The following GPHN variants were observed in gnomAD, a reference collection of about 807,000 sequenced individuals.
GPHN encodes the protein gephyrin.
In GPHN, 17 loss-of-function variants were observed where a neutral mutation model predicts 95.5. That is an observed-to-expected ratio of 0.18 (90% CI 0.12 to 0.27). GPHN has a LOEUF of 0.27. GPHN is among the 10% of genes least tolerant of loss of function. The pLI is 1.00. For synonymous variants in GPHN, 320 were observed against 322.5 expected, an observed-to-expected ratio of 0.99 and a Z score of 0.08; for missense variants, 660 against 978.1, an observed-to-expected ratio of 0.67 and a Z score of 4.34.
At chr14:67,735,136 G>C in the GPHN span, 1 of 831,854 alleles carries the variant, frequency 1.2e-6, no homozygotes, top group Non-Finnish European at 2.1e-6. Context: ...CATGGGTGTT[G>C]ATTCGACATG....
intron 1 of GPHN, among the ~76,000 whole-genome samples, chr14:66,654,172 C>T (rs936154817): frequency 4.6e-5 from 7 of 151,914 alleles, no homozygotes; most frequent in African/African-American, 1.7e-4. Flanking sequence ...TTTTTTGAGA[C>T]AGTCTTGCTC....
the GPHN span, chr14:67,726,938 C>T: frequency 6.4e-7 from 1 of 1,571,252 alleles, no homozygotes; most frequent in East Asian, 2.2e-5. Flanking sequence ...TGAGCCTGGG[C>T]TGTCATTCCA....
At chr14:66,668,711 A>C (rs2066113746) in intron 1 of GPHN, among the ~76,000 whole-genome samples, 1 of 152,114 alleles carries the variant, frequency 6.6e-6, no homozygotes, top group Non-Finnish European at 1.5e-5. Context: ...TAATGAAATA[A>C]TTGTTACAAC....
intron 2 of GPHN, among the ~76,000 whole-genome samples, chr14:66,736,464 T>C (rs2072288159): frequency 6.6e-6 from 1 of 150,672 alleles, no homozygotes; most frequent in Non-Finnish European, 1.5e-5. Flanking sequence ...AGTGGTGCAA[T>C]CTCGGCTCAC....
chr14:67,356,007 GTGTT>G, the GPHN span, among the ~76,000 whole-genome samples: 13 of 151,918 alleles, frequency 8.6e-5, no homozygotes, highest in African/African-American at 2.9e-4. Flanking sequence ...AAAAAAACAA[GTGTT>G]TGGGTAATAA....
intron 1 of GPHN, among the ~76,000 whole-genome samples, chr14:66,526,811 C>T (rs529283335): frequency 1.2e-4 from 19 of 152,250 alleles, no homozygotes; most frequent in Middle Eastern, 3.4e-3. Context: ...AGCATTGCAT[C>T]CCAGGGATGA....
chr14:67,023,490 A>G lies in GPHN; in HGVS notation c.964-143A>G, dbSNP rs112539097. The G allele has an allele frequency of 5.3e-4, 330 of 621,474 alleles. 2 individuals carry two copies. The highest frequency in any genetic ancestry group is 7.9e-4 in the Non-Finnish European group (273 of 345,292). The allele number at this position is 621,474 out of a possible 1,614,324, so 38.5% of individuals were successfully genotyped here. On this transcript the variant is annotated intron_variant, in intron 9 of 22. Coordinates refer to ENST00000478722, the MANE Select transcript of GPHN (RefSeq NM_020806.5). ...AGAAAAAAGATGAAACAAGTATAAC[A>G]TTTTTACTAACATGTTATGACATCT...
intron 9 of GPHN, among the ~76,000 whole-genome samples, chr14:67,019,071 A>G (rs2073462049): frequency 6.6e-6 from 1 of 152,246 alleles, no homozygotes; most frequent in Admixed American, 6.5e-5. Context: ...CACCAATAAT[A>G]TGAAAGCAAA....
At chr14:67,111,023 A>G (rs2078337156) in intron 14 of GPHN, among the ~76,000 whole-genome samples, 1 of 152,246 alleles carries the variant, frequency 6.6e-6, no homozygotes, top group Non-Finnish European at 1.5e-5. Context: ...TACTTGTTTT[A>G]TGAAGAAAGT....
chr14:67,157,050 A>C (rs1349585704), intron 18 of GPHN, among the ~76,000 whole-genome samples: 1 of 152,066 alleles, frequency 6.6e-6, no homozygotes, highest in Non-Finnish European at 1.5e-5. Context: ...CTGGATTTTT[A>C]AAAAAACAGC....
chr14:67,335,582 T>C, the GPHN span: 1 of 152,662 alleles, frequency 6.6e-6, no homozygotes, highest in Non-Finnish European at 1.5e-5. Context: ...CTGGATTATC[T>C]TCCTTTTCTC....
At chr14:66,736,651 C>G (rs750767815) in intron 2 of GPHN, among the ~76,000 whole-genome samples, 3 of 151,966 alleles carry the variant, frequency 2.0e-5, no homozygotes, top group African/African-American at 4.8e-5. Flanking sequence ...GTTATCCACC[C>G]GCCTCGGCCT....
chr14:66,983,026 C>T (rs1195457279), intron 9 of GPHN, among the ~76,000 whole-genome samples: 3 of 152,032 alleles, frequency 2.0e-5, no homozygotes, highest in Non-Finnish European at 2.9e-5. Context: ...CCGAGGCAGG[C>T]GGATCACATA....
At chr14:67,437,830 G>A in the GPHN span, among the ~76,000 whole-genome samples, 13 of 152,172 alleles carry the variant, frequency 8.5e-5, no homozygotes, top group Admixed American at 8.5e-4. Context: ...GTGGGAGGCA[G>A]GTGGACAAAG....
At chr14:66,674,708 C>T (rs940807426) in intron 1 of GPHN, among the ~76,000 whole-genome samples, 1 of 152,130 alleles carries the variant, frequency 6.6e-6, no homozygotes, top group Non-Finnish European at 1.5e-5. Flanking sequence ...TTCTCTTTAT[C>T]CATTCATCTG....
intron 3 of GPHN, among the ~76,000 whole-genome samples, chr14:66,791,359 A>G (rs563039965): frequency 5.9e-5 from 9 of 152,368 alleles, no homozygotes; most frequent in Admixed American, 5.9e-4. Flanking sequence ...AGAAGAAAGA[A>G]TTAGAGACAA....
At chr14:66,792,827 A>G (rs905265392) in intron 3 of GPHN, among the ~76,000 whole-genome samples, 4 of 152,250 alleles carry the variant, frequency 2.6e-5, no homozygotes, top group African/African-American at 4.8e-5. Flanking sequence ...AGATTTACCT[A>G]TGTATTTATT....
At chr14:67,352,710 C>T in the GPHN span, 176 of 449,170 alleles carry the variant, frequency 3.9e-4, no homozygotes, top group East Asian at 6.5e-3. Flanking sequence ...GGCGGGGGGC[C>T]AATCAGATCA....
chr14:66,954,754 G>C (rs908109990), intron 8 of GPHN, among the ~76,000 whole-genome samples: 1 of 152,124 alleles, frequency 6.6e-6, no homozygotes, highest in African/African-American at 2.4e-5. Context: ...TGTGGGTTTT[G>C]TCTAGATGCC....
Sources: gnomAD v4.1 joint callset for allele counts (sites outside exome capture counted in the v4.1 genomes callset) on GRCh38, gnomAD v4.1.1 for gene constraint, MANE v1.5 for transcripts, NCBI Gene and HGNC (gene_info 2026-07-23, HGNC 2026-07-21) for gene names.